Variants in PCBP3 observed in about 807,000 individuals in gnomAD.
The protein encoded by PCBP3 is poly(rC)-binding protein 3.
Under a neutral mutation model 52.7 loss-of-function variants are expected in PCBP3, and 25 were observed. That is an observed-to-expected ratio of 0.47 (90% CI 0.35 to 0.66). The LOEUF (loss-of-function observed/expected upper bound fraction) is 0.66. PCBP3 is among the 30% of genes least tolerant of loss of function. The pLI is 0.01. For synonymous variants in PCBP3, 162 were observed against 183.0 expected, an observed-to-expected ratio of 0.89 and a Z score of 0.93; for missense variants, 391 against 490.3, an observed-to-expected ratio of 0.80 and a Z score of 1.91.
intron 4 of PCBP3, among the ~76,000 whole-genome samples, chr21:45,848,948 G>A (rs2093885438): frequency 6.6e-6 from 1 of 152,272 alleles, no homozygotes; most frequent in South Asian, 2.1e-4. Context: ...AGCAGTAACA[G>A]GTGTTTCTAG....
At chr21:45,665,734 A>C (rs577153142) in intron 1 of PCBP3, among the ~76,000 whole-genome samples, 1 of 152,330 alleles carries the variant, frequency 6.6e-6, no homozygotes, top group African/African-American at 2.4e-5. Flanking sequence ...TATTCCAAAA[A>C]ATTGAGGAGG....
At chr21:45,871,158 C>A (rs1221494639) in intron 5 of PCBP3, 1 of 176,724 alleles carries the variant, frequency 5.7e-6, no homozygotes, top group Admixed American at 6.5e-5. Flanking sequence ...AGATGGGAAC[C>A]CCCCAGGGAA....
intron 4 of PCBP3, among the ~76,000 whole-genome samples, chr21:45,806,305 T>C (rs1262674029): frequency 6.6e-6 from 1 of 151,792 alleles, no homozygotes; most frequent in Non-Finnish European, 1.5e-5. Context: ...TGAGGGCTGC[T>C]GCCAGCTACC....
intron 1 of PCBP3, among the ~76,000 whole-genome samples, chr21:45,667,470 A>G (rs990183494): frequency 1.3e-5 from 2 of 152,124 alleles, no homozygotes. Flanking sequence ...AACCACTCTA[A>G]TGAATGTGCT....
intron 1 of PCBP3, among the ~76,000 whole-genome samples, chr21:45,650,655 A>G (rs2079617300): frequency 6.6e-6 from 1 of 152,064 alleles, no homozygotes; most frequent in Admixed American, 6.5e-5. Flanking sequence ...GGGTCTTGCT[A>G]TGTTGCCCAG....
At chr21:45,824,128 T>C (rs1765706388) in intron 4 of PCBP3, among the ~76,000 whole-genome samples, 1 of 152,210 alleles carries the variant, frequency 6.6e-6, no homozygotes, top group African/African-American at 2.4e-5. Context: ...TTTTTGATGG[T>C]TTCATCCCAT....
chr21:45,774,442 G>T (rs2090110564), intron 4 of PCBP3, among the ~76,000 whole-genome samples: 1 of 150,096 alleles, frequency 6.7e-6, no homozygotes, highest in Non-Finnish European at 1.5e-5. Context: ...AGTTTTTTCT[G>T]GATAAAATTA....
Position 45,899,581 on chromosome 21 carries a change from ATT to A in PCBP3, c.166-9_166-8del. 2 of 1,495,824 alleles carry A rather than the reference ATT, an allele frequency of 1.3e-6. No homozygotes were observed. The highest frequency in any genetic ancestry group is 1.8e-6 in the Non-Finnish European group (2 of 1,092,142). The allele number at this position is 1,495,824 out of a possible 1,614,324, so 92.7% of individuals were successfully genotyped here. A position where few individuals can be genotyped will look rare whatever the true frequency, so the allele number is the denominator to read the frequency against. The stretch of plus-strand genomic sequence containing the variant: ...TGCTCTATGACATCATCTTTCTGTG[ATT>A]TTTTTTTTCTTGCAGGAAGTTGGAA... On this transcript the variant is annotated splice_polypyrimidine_tract_variant and intron_variant, in intron 6 of 17. Coordinates refer to ENST00000681687, the MANE Select transcript of PCBP3 (RefSeq NM_001384156.1).
At position 45,788,779 on chromosome 21, in the gene PCBP3, TAAAC is replaced by T. The variant is rs2091331085; in HGVS notation, c.-126+33330_-126+33333del. The T allele has an allele frequency of 6.6e-6, 1 of 152,160 alleles. No individual in the cohort carries two copies. Among genetic ancestry groups the T allele is most frequent in the African/African-American group, 2.4e-5 (1 of 41,436 alleles). 9.4% of individuals were successfully genotyped at this position (152,160 alleles called of 1,614,324 possible). ...AATGAGAAAAAAAAGTTGTATTTCTTAAACAACATGATCTGGAGTATGTGGTGAC... is the reference window on the plus strand; with the variant it reads ...AATGAGAAAAAAAAGTTGTATTTCTTAACATGATCTGGAGTATGTGGTGAC... On this transcript the variant is annotated intron_variant, in intron 4 of 17. Coordinates refer to ENST00000681687, the MANE Select transcript of PCBP3 (RefSeq NM_001384156.1). The surrounding 1 kb of genome is among the most constrained non-coding windows in gnomAD (Gnocchi z 4.3).
intron 9 of PCBP3, among the ~76,000 whole-genome samples, chr21:45,902,016 C>T (rs1449849828): frequency 6.6e-6 from 1 of 152,192 alleles, no homozygotes; most frequent in Non-Finnish European, 1.5e-5. Context: ...ATCTTCTGTG[C>T]TTGGCAGAGA....
At chr21:45,845,716 G>A (rs959182192) in intron 4 of PCBP3, among the ~76,000 whole-genome samples, 3 of 152,266 alleles carry the variant, frequency 2.0e-5, no homozygotes, top group African/African-American at 7.2e-5. Flanking sequence ...GCACATGTAT[G>A]TGAGTGTGTG....
intron 2 of PCBP3, among the ~76,000 whole-genome samples, chr21:45,674,083 A>G (rs1176212773): frequency 6.6e-6 from 1 of 152,118 alleles, no homozygotes; most frequent in Non-Finnish European, 1.5e-5. Flanking sequence ...TAATGGAACC[A>G]TGTTTCTCAG....
chr21:45,727,184 G>A (rs1398224493), intron 2 of PCBP3, among the ~76,000 whole-genome samples: 1 of 152,068 alleles, frequency 6.6e-6, no homozygotes, highest in Admixed American at 6.5e-5. Context: ...GATCCATTTT[G>A]AATTAACTCT....
chr21:45,785,179 G>A lies in PCBP3; in HGVS notation c.-126+29727G>A, dbSNP rs562357977. ...TGTCTGAGAAGTGAGGATCCCCTCC[G>A]CCCAGCAGCCGCCCCGTCTGAGAAG... On this transcript the variant is annotated intron_variant, in intron 4 of 17. Transcript: ENST00000681687. Among the ~76,000 whole-genome samples the A allele has an allele frequency of 4.1e-4, 61 of 150,480 alleles. No individual in the cohort carries two copies. In the South Asian group the frequency reaches 0.012, roughly 30 times the overall value.
intron 16 of PCBP3, chr21:45,935,532 G>T: frequency 1.5e-6 from 1 of 663,458 alleles, no homozygotes; most frequent in South Asian, 1.5e-5. Flanking sequence ...CAAGCAACAG[G>T]CTAAAGGGGA....
At position 45,805,902 on chromosome 21, in the gene PCBP3, C is replaced by T. The variant is rs149312223; in HGVS notation, c.-125-44059C>T. On this transcript the variant is annotated intron_variant, in intron 4 of 17. Coordinates refer to ENST00000681687, the MANE Select transcript of PCBP3 (RefSeq NM_001384156.1). This position sits in a 1 kb window ranked among gnomAD's most constrained non-coding sequence, Gnocchi z 4.6. ...GAGGGCGAGAGCAGAGCTGGGGGGG[C>T]GGGCCATGAGGGGAAGTCCAGGCCT... 5.3e-5 allele frequency among the ~76,000 whole-genome samples: 8 copies of T among 152,146 alleles called. No homozygotes were observed. In the East Asian group the frequency reaches 7.7e-4, roughly 15 times the overall value.
chr21:45,772,618 T>C (rs1176281233), intron 4 of PCBP3, among the ~76,000 whole-genome samples: 1 of 152,210 alleles, frequency 6.6e-6, no homozygotes, highest in Non-Finnish European at 1.5e-5. Context: ...ATTTTATTTT[T>C]AGTTTTTTTG....
intron 2 of PCBP3, among the ~76,000 whole-genome samples, chr21:45,672,555 A>G (rs947931670): frequency 6.6e-6 from 1 of 152,032 alleles, no homozygotes; most frequent in East Asian, 1.9e-4. Flanking sequence ...GTAGTTTCAT[A>G]TGCCAGTAAC....
chr21:45,811,260 C>T (rs1378771814), intron 4 of PCBP3, among the ~76,000 whole-genome samples: 2 of 152,204 alleles, frequency 1.3e-5, no homozygotes, highest in Non-Finnish European at 2.9e-5. Flanking sequence ...ATGAGAGCCC[C>T]GACAGCAGGA....
Sources: gnomAD v4.1 joint callset for allele counts (sites outside exome capture counted in the v4.1 genomes callset) on GRCh38, gnomAD v4.1.1 for gene constraint, Gnocchi (gnomAD v3.1) non-coding constraint, MANE v1.5 for transcripts, NCBI Gene and HGNC (gene_info 2026-07-23, HGNC 2026-07-21) for gene names.